Variants in TTLL4 observed in about 807,000 individuals in gnomAD.
TTLL4 encodes the protein tubulin tyrosine ligase like 4.
TTLL4 carries 85 observed loss-of-function variants against 122.7 expected under a neutral mutation model. That is an observed-to-expected ratio of 0.69 (90% CI 0.58 to 0.83). The LOEUF (loss-of-function observed/expected upper bound fraction) is 0.83. Among genes scored for constraint, TTLL4 ranks in the 40% least tolerant of loss-of-function variants. The pLI is 0.00. For synonymous variants in TTLL4, 553 were observed against 563.0 expected (o/e 0.98, Z 0.25); for missense variants, 1,363 against 1,488.6 (o/e 0.92, Z 1.39).
chr2:218,731,869 A>G (rs1942390854), intron 2 of TTLL4, among the ~76,000 whole-genome samples: 1 of 152,210 alleles, frequency 6.6e-6, no homozygotes, highest in Admixed American at 6.5e-5. Flanking sequence ...GAATTTAGCT[A>G]CAGAAATAGG....
rs543292487 is a variant in TTLL4, at chr2:218,713,130, A to G, written c.-178+2093A>G. ...GTTGTGGCTCACACCTGTAAATCCA[A>G]CACTTTGGGAGCCTGAGGCAGGCTG... On this transcript the variant is annotated intron_variant, in intron 1 of 19. Coordinates refer to ENST00000392102, the MANE Select transcript of TTLL4 (RefSeq NM_014640.5). Among the ~76,000 whole-genome samples, 6 of 152,240 alleles carry G rather than the reference A, an allele frequency of 3.9e-5. No individual in the cohort carries two copies. The South Asian group carries it at 1.0e-3, about 26-fold the overall frequency.
Position 218,711,057 on chromosome 2 carries a change from C to T in TTLL4, c.-178+20C>T, listed in dbSNP as rs2106376269. The stretch of plus-strand genomic sequence containing the variant: ...CCCTAGGTGAGTGCGGCTGCGGAGC[C>T]AGGGGAGCCGACCCCAGACACTCCG... On this transcript the variant is annotated intron_variant, in intron 1 of 19. Transcript: ENST00000392102. 1 of 152,542 alleles carries T rather than the reference C, an allele frequency of 6.6e-6. No homozygotes were observed. The highest frequency in any genetic ancestry group is 1.9e-4 in the East Asian group (1 of 5,174). The allele number at this position is 152,542 out of a possible 1,614,324, so 9.4% of individuals were successfully genotyped here.
chr2:218,742,952 A>C (rs1331253724), intron 5 of TTLL4, among the ~76,000 whole-genome samples: 1 of 152,032 alleles, frequency 6.6e-6, no homozygotes, highest in Admixed American at 6.6e-5. Flanking sequence ...GTGAAACCCC[A>C]TGTTTTACTA....
At chr2:218,752,153 CT>C (rs1280501596) in intron 16 of TTLL4, among the ~76,000 whole-genome samples, 2 of 152,186 alleles carry the variant, frequency 1.3e-5, no homozygotes, top group Admixed American at 1.3e-4. Context: ...AGTGATCCGC[CT>C]GCCTCGGCCT....
At chr2:218,720,186 A>C (rs1441582267) in intron 1 of TTLL4, among the ~76,000 whole-genome samples, 1 of 152,180 alleles carries the variant, frequency 6.6e-6, no homozygotes, top group East Asian at 1.9e-4. Flanking sequence ...TGATGCAGAC[A>C]TGAAACTTGA....
At chr2:218,746,720 C>A in intron 8 of TTLL4, 1 of 467,886 alleles carries the variant, frequency 2.1e-6, no homozygotes, top group Non-Finnish European at 3.8e-6. Context: ...CTTTTCTGTC[C>A]TCATCCCATA....
rs536574108 is a variant in TTLL4, at chr2:218,720,317, A to G, written c.-177-6952A>G. Among the ~76,000 whole-genome samples, 105 of 152,304 alleles carry G rather than the reference A, an allele frequency of 6.9e-4. 1 individual carries two copies. Among genetic ancestry groups the G allele is most frequent in the African/African-American group, 2.5e-3 (102 of 41,568 alleles). On this transcript the variant is annotated intron_variant, in intron 1 of 19. Transcript: ENST00000392102. Reference sequence around the variant, plus strand: ...TTTGGATTGGCCTCAGGAGGAGGAAAGACACTATTGAAGGGGTTGGGTACA... The same window carrying G: ...TTTGGATTGGCCTCAGGAGGAGGAAGGACACTATTGAAGGGGTTGGGTACA...
At chr2:218,717,489 T>C (rs1394806600) in intron 1 of TTLL4, among the ~76,000 whole-genome samples, 1 of 152,182 alleles carries the variant, frequency 6.6e-6, no homozygotes, top group Non-Finnish European at 1.5e-5. Flanking sequence ...CAGTAATTTA[T>C]AGGTTTACCT....
chr2:218,722,312 C>A (rs1942066336), intron 1 of TTLL4, among the ~76,000 whole-genome samples: 2 of 150,758 alleles, frequency 1.3e-5, no homozygotes, highest in African/African-American at 2.4e-5. Context: ...CTGTTTCCAA[C>A]CTCATTGGTA....
intron 1 of TTLL4, among the ~76,000 whole-genome samples, chr2:218,724,048 T>C (rs898190582): frequency 4.6e-5 from 7 of 152,210 alleles, no homozygotes; most frequent in African/African-American, 2.4e-5. Flanking sequence ...AGGGGTATCA[T>C]GTCTGCAACT....
rs1157929283 is a variant in TTLL4, at chr2:218,710,923, A to T, written c.-292A>T. ...GCGCTGGCGGCCGAGTGCGCTTGTC[A>T]CGCGTGGCGGTGCGTGGTTGCTAGG... On this transcript the variant is annotated 5_prime_UTR_variant, in exon 1 of 20. Transcript: ENST00000392102. The T allele has an allele frequency of 1.3e-5, 2 of 152,574 alleles. No individual in the cohort carries two copies. Among genetic ancestry groups the T allele is most frequent in the Non-Finnish European group, 2.9e-5 (2 of 68,434 alleles). 9.5% of individuals were successfully genotyped at this position (152,574 alleles called of 1,614,324 possible). A position where few individuals can be genotyped will look rare whatever the true frequency, so the allele number is the denominator to read the frequency against.
intron 5 of TTLL4, among the ~76,000 whole-genome samples, chr2:218,744,726 CTT>C (rs1279164269): frequency 6.6e-6 from 1 of 152,050 alleles, no homozygotes; most frequent in Non-Finnish European, 1.5e-5. Flanking sequence ...TTACATCATT[CTT>C]TTCTCTCATT....
intron 16 of TTLL4, 28 bp downstream of exon 16, chr2:218,751,834 T>TA (rs764344477): frequency 6.3e-7 from 1 of 1,580,324 alleles, no homozygotes; most frequent in South Asian, 1.2e-5. Context: ...CCCCCAGTGC[T>TA]AGCAGAAAAC....
chr2:218,711,187 C>G (rs1193618442), intron 1 of TTLL4, 150 bp downstream of exon 1: 1 of 152,412 alleles, frequency 6.6e-6, no homozygotes, highest in East Asian at 1.9e-4. Context: ...CACCTCTCAT[C>G]CCCCGGGAGG....
At chr2:218,745,937 G>C (rs1942831256) in intron 7 of TTLL4, 136 bp downstream of exon 7, 3 of 888,570 alleles carry the variant, frequency 3.4e-6, no homozygotes, top group Non-Finnish European at 5.5e-6. Flanking sequence ...CTCATAGGAG[G>C]GTGTAGCTCT....
At chr2:218,745,322 G>C in intron 6 of TTLL4, 89 bp downstream of exon 6, 1 of 1,565,102 alleles carries the variant, frequency 6.4e-7, no homozygotes, top group Non-Finnish European at 8.7e-7. Flanking sequence ...AGGTAGGAGA[G>C]GGTTTCCAGA....
rs147710885 is a variant in TTLL4, at chr2:218,754,404, A to G, written c.*15A>G. 4,030 of 1,613,672 alleles carry G rather than the reference A, an allele frequency of 2.5e-3. 13 individuals are homozygous for G. The highest frequency in any genetic ancestry group is 5.4e-3 in the South Asian group (488 of 91,046). On this transcript the variant is annotated 3_prime_UTR_variant, in exon 20 of 20. Coordinates refer to ENST00000392102, the MANE Select transcript of TTLL4 (RefSeq NM_014640.5). ...TGAGCCCATAACTGGCCTCTCTCCA[A>G]AAGCCTCTGCCCAGGAGCATGGGCA... is the stretch of plus-strand genomic sequence containing the variant.
rs143936621 is a variant in TTLL4 at position 218,720,266 on chromosome 2, G to T, written c.-177-7003G>T. Among the ~76,000 whole-genome samples, 667 of 152,246 alleles carry T rather than the reference G, an allele frequency of 4.4e-3. 5 individuals carry two copies. Among genetic ancestry groups the T allele is most frequent in the African/African-American group, 0.015 (628 of 41,554 alleles). ...ATTGTGAGAGAGATTGATTTGATGTGGGGGAGGATGAAAGAACTGGAGGAT... is the reference window on the plus strand; with the variant it reads ...ATTGTGAGAGAGATTGATTTGATGTTGGGGAGGATGAAAGAACTGGAGGAT... On this transcript the variant is annotated intron_variant, in intron 1 of 19. Transcript: ENST00000392102.
At chr2:218,741,132 G>A (rs894752926) in intron 5 of TTLL4, among the ~76,000 whole-genome samples, 2 of 152,296 alleles carry the variant, frequency 1.3e-5, no homozygotes, top group Non-Finnish European at 2.9e-5. Flanking sequence ...GCTTATGCCT[G>A]TAATCCTAAC....
Sources: gnomAD v4.1 joint callset for allele counts (sites outside exome capture counted in the v4.1 genomes callset) on GRCh38, gnomAD v4.1.1 for gene constraint, MANE v1.5 for transcripts, NCBI Gene and HGNC (gene_info 2026-07-23, HGNC 2026-07-21) for gene names.